MORC1: variants seen among roughly 807,000 people sequenced by gnomAD.
The protein encoded by MORC1 is MORC family CW-type zinc finger 1.
In MORC1, 59 loss-of-function variants were observed where a neutral mutation model predicts 134.9. The observed-to-expected ratio is 0.44, with a 90% CI of 0.35 to 0.54. MORC1 has a LOEUF of 0.54. Ranked by LOEUF, MORC1 falls within the 20% of genes least tolerant of loss-of-function variation. MORC1 has a pLI of 0.00. For missense variants in MORC1, 947 were observed against 1,134.5 expected, an observed-to-expected ratio of 0.83 and a Z score of 2.37; for synonymous variants, 395 against 391.7, an observed-to-expected ratio of 1.01 and a Z score of -0.10.
Position 109,054,728 on chromosome 3 carries a change from T to C in MORC1, c.1330A>G (p.Asn444Asp), listed in dbSNP as rs761055902. ...LVQYCKDTGI[N>D]NRNLTLFCNE... ...CCTACTATGACTATTGAATACTCAC[T>C]GATGCCGGTGTCCTTACAGTACTGG... The change falls in exon 14 of 28, where the codon AAT becomes GAT. Residue 444 changes from asparagine (N) to aspartate (D), a missense_variant and splice_region_variant. By Grantham distance (23) the Asn-to-Asp change is conservative. This residue lies in a region of MORC1 where 722 missense variants were observed against 817.0 expected (regional missense o/e 0.88). Transcript: ENST00000232603. 2.0e-5 allele frequency: 31 copies of C among 1,538,348 alleles called. No homozygotes were observed. Among genetic ancestry groups the C allele is most frequent in the African/African-American group, 2.8e-5 (2 of 70,266 alleles).
At chr3:109,103,171 C>G (rs1268346320) in intron 4 of MORC1, among the ~76,000 whole-genome samples, 2 of 152,152 alleles carry the variant, frequency 1.3e-5, no homozygotes, top group African/African-American at 4.8e-5. Context: ...AAAACCCTGG[C>G]TTGTGGAACA....
At chr3:109,086,317 TATATGA>T (rs561733083) in intron 8 of MORC1, among the ~76,000 whole-genome samples, 236 of 152,184 alleles carry the variant, frequency 1.6e-3, no homozygotes, top group Middle Eastern at 3.4e-3. Flanking sequence ...CTTTACAAAT[TATATGA>T]ATGTATCATA....
At chr3:108,998,526 G>A (rs1324581603) in intron 21 of MORC1, among the ~76,000 whole-genome samples, 1 of 152,066 alleles carries the variant, frequency 6.6e-6, no homozygotes, top group Non-Finnish European at 1.5e-5. Context: ...TTAGCACTGA[G>A]TGCCTTCCTT....
intron 14 of MORC1, among the ~76,000 whole-genome samples, chr3:109,038,665 G>C (rs1194196611): frequency 6.6e-6 from 1 of 152,168 alleles, no homozygotes; most frequent in Admixed American, 6.5e-5. Context: ...TGGCTAGCCA[G>C]TTTTCCCAGC....
intron 14 of MORC1, among the ~76,000 whole-genome samples, chr3:109,051,014 A>C (rs1437363622): frequency 6.6e-6 from 1 of 152,084 alleles, no homozygotes; most frequent in Non-Finnish European, 1.5e-5. Flanking sequence ...GTTTCTCCCC[A>C]CTTTTTATTT....
intron 14 of MORC1, among the ~76,000 whole-genome samples, chr3:109,039,622 GCT>G (rs1949463247): frequency 6.6e-6 from 1 of 152,146 alleles, no homozygotes; most frequent in South Asian, 2.1e-4. Flanking sequence ...CGTCATTTCA[GCT>G]CTCAGCCAGT....
intron 6 of MORC1, among the ~76,000 whole-genome samples, chr3:109,098,080 T>G (rs990646131): frequency 6.6e-6 from 1 of 152,122 alleles, no homozygotes; most frequent in African/African-American, 2.4e-5. Flanking sequence ...ATTTTTATTT[T>G]TATTTTATTT....
intron 14 of MORC1, among the ~76,000 whole-genome samples, chr3:109,051,627 C>T (rs1445966948): frequency 1.3e-5 from 2 of 152,136 alleles, no homozygotes; most frequent in Non-Finnish European, 2.9e-5. Flanking sequence ...TATCCTCTAG[C>T]CCTCTATCAA....
At chr3:109,068,632 G>C (rs1351865843) in intron 9 of MORC1, among the ~76,000 whole-genome samples, 1 of 152,068 alleles carries the variant, frequency 6.6e-6, no homozygotes, top group Admixed American at 6.5e-5. Context: ...ATTTGGGTTG[G>C]CTCCATGATT....
At chr3:109,103,959 A>G (rs756363582) in intron 3 of MORC1, 42 bp from the exon 4 acceptor site, 5 of 1,538,156 alleles carry the variant, frequency 3.3e-6, no homozygotes, top group Non-Finnish European at 3.6e-6. Flanking sequence ...ATCGGGCTTA[A>G]TTTGTTAGTC....
Position 109,035,376 on chromosome 3 carries a change from T to G in MORC1, c.1423A>C (p.Arg475=). The change falls in exon 15 of 28, where the codon AGA becomes CGA. Residue 475 remains arginine, a synonymous_variant. Coordinates refer to ENST00000232603, the MANE Select transcript of MORC1 (RefSeq NM_014429.4). ...ATGAATGGGATACCCATGGCTTGTC[T>G]TCTTTGATATTGAAAAGAATTTAAA... ...KPLNSFQYQR[R]QAMGIPFIIQ... is the part of the protein sequence containing the mutation. 6.3e-7 allele frequency: 1 copy of G among 1,588,354 alleles called. No homozygotes were observed. The highest frequency in any genetic ancestry group is 8.6e-7 in the Non-Finnish European group (1 of 1,165,004).
chr3:109,007,529 G>C (rs1316122867), intron 17 of MORC1, among the ~76,000 whole-genome samples: 2 of 152,154 alleles, frequency 1.3e-5, no homozygotes, highest in Admixed American at 6.5e-5. Flanking sequence ...GGCCTCGACT[G>C]TGTCCTTAAC....
chr3:109,021,866 C>T (rs2107582144), intron 17 of MORC1, among the ~76,000 whole-genome samples: 1 of 152,274 alleles, frequency 6.6e-6, no homozygotes, highest in Non-Finnish European at 1.5e-5. Flanking sequence ...AGCATTGCAC[C>T]AGGTGTGGTA....
intron 17 of MORC1, among the ~76,000 whole-genome samples, chr3:109,019,323 C>T (rs1948901188): frequency 6.6e-6 from 1 of 152,158 alleles, no homozygotes; most frequent in African/African-American, 2.4e-5. Context: ...TAAAGCTTTC[C>T]AAAGTCACTT....
At chr3:109,083,741 C>T (rs1950565911) in intron 8 of MORC1, among the ~76,000 whole-genome samples, 1 of 152,122 alleles carries the variant, frequency 6.6e-6, no homozygotes, top group South Asian at 2.1e-4. Flanking sequence ...CACTGACGAA[C>T]ACAGATGTAA....
At chr3:108,994,562 A>C (rs1209495653) in intron 21 of MORC1, among the ~76,000 whole-genome samples, 1 of 152,160 alleles carries the variant, frequency 6.6e-6, no homozygotes, top group East Asian at 1.9e-4. Context: ...AATAAACAAC[A>C]AACACCAATA....
At chr3:108,987,201 T>TA (rs750101712) in intron 21 of MORC1, among the ~76,000 whole-genome samples, 8 of 152,224 alleles carry the variant, frequency 5.3e-5, no homozygotes, top group Non-Finnish European at 1.0e-4. Context: ...TTTGTATTTC[T>TA]ACTAATATTT....
intron 24 of MORC1, among the ~76,000 whole-genome samples, chr3:108,975,420 C>T (rs1316701566): frequency 1.3e-5 from 2 of 151,926 alleles, no homozygotes; most frequent in African/African-American, 4.8e-5. Flanking sequence ...TCTAAGATAA[C>T]AAAAAGCATG....
chr3:109,007,499 T>C (rs1195192128), intron 17 of MORC1, among the ~76,000 whole-genome samples: 2 of 152,184 alleles, frequency 1.3e-5, no homozygotes, highest in Non-Finnish European at 2.9e-5. Flanking sequence ...TCAGCTTCAA[T>C]GGACTCTTGA....
Sources: allele counts gnomAD v4.1 joint callset (sites outside exome capture counted in the v4.1 genomes callset), GRCh38; gene constraint gnomAD v4.1.1; regional missense constraint gnomAD v4.1.1; transcripts MANE v1.5; gene names NCBI Gene and HGNC (gene_info 2026-07-23, HGNC 2026-07-21).